The following LRRC40 variants were observed in gnomAD, a reference collection of about 807,000 sequenced individuals.
LRRC40 encodes leucine-rich repeat-containing protein 40.
In LRRC40, 76 loss-of-function variants were observed where a neutral mutation model predicts 72.8. The ratio of observed to expected loss-of-function variants is 1.04; its 90% CI spans 0.87 to 1.26. The LOEUF (loss-of-function observed/expected upper bound fraction) is 1.26. LRRC40 is among the 50% of genes most tolerant of loss of function. The pLI is 0.00. For synonymous variants in LRRC40, 243 were observed against 254.2 expected (o/e 0.96, Z 0.42); for missense variants, 684 against 698.9 (o/e 0.98, Z 0.24).
rs1470186212 is a variant in LRRC40, at chr1:70,175,960, T to C, written c.827A>G (p.Gln276Arg). The change falls in exon 7 of 15, where the codon CAG becomes CGG. Residue 276 changes from glutamine (Q) to arginine (R), a missense_variant. Physicochemically the swap from Gln to Arg is conservative, Grantham distance 43 (BLOSUM62 1). Coordinates refer to ENST00000370952, the MANE Select transcript of LRRC40 (RefSeq NM_017768.5). ...ATGTTCTGCCTCTAACATTTCAATC[T>C]GGTTTTCACCTACGTGCAATTCCTA... ...LLKELHVGEN[Q>R]IEMLEAEHLK... 1 of 1,580,440 alleles carries C rather than the reference T, an allele frequency of 6.3e-7. No homozygotes were observed. The highest frequency in any genetic ancestry group is 1.4e-5 in the African/African-American group (1 of 73,004).
At position 70,175,879 on chromosome 1, in the gene LRRC40, G is replaced by A. The variant is rs760366830; in HGVS notation, c.908C>T (p.Ser303Phe). ...TAGTAGTATAATTTCATCTGGAACA[G>A]ATTTTAACTTGTTATCCCTCAGGTC... Reference protein sequence around the residue: ...VLDLRDNKLKSVPDEIILLRS... With the variant: ...VLDLRDNKLKFVPDEIILLRS... Residue 303 changes from serine to phenylalanine, a missense_variant, in exon 7 of 15, where the codon TCT (serine) becomes TTT (phenylalanine). Transcript: ENST00000370952. 1.8e-5 allele frequency: 29 copies of A among 1,602,110 alleles called. No homozygotes were observed. Among genetic ancestry groups the A allele is most frequent in the Admixed American group, 3.5e-5 (2 of 57,368 alleles).
In LRRC40 at chr1:70,181,120, C is replaced by G. The variant is rs961380906; in HGVS notation, c.627G>C (p.Leu209=). 6 of 1,581,812 alleles carry G rather than the reference C, an allele frequency of 3.8e-6. No individual in the cohort carries two copies. In the Admixed American group the frequency reaches 1.0e-4, roughly 27 times the overall value. Residue 209 remains leucine (L), a synonymous_variant, in exon 5 of 15, where the codon CTG becomes CTC. Coordinates refer to ENST00000370952, the MANE Select transcript of LRRC40 (RefSeq NM_017768.5). ...TATTTATTTCTGCTGGCAAACTCTTCAGTTCATTACTAGAAAGATTGAGTC... is the reference window on the plus strand; with the variant it reads ...TATTTATTTCTGCTGGCAAACTCTTGAGTTCATTACTAGAAAGATTGAGTC... The part of the protein sequence containing the change: ...LVRLNLSSNE[L]KSLPAEINRM...
chr1:70,177,533 T>C (rs976749393), intron 6 of LRRC40, among the ~76,000 whole-genome samples: 2 of 152,224 alleles, frequency 1.3e-5, no homozygotes, highest in African/African-American at 4.8e-5. Context: ...TTTCTCATAC[T>C]GTTTAGTGCA....
intron 1 of LRRC40, among the ~76,000 whole-genome samples, chr1:70,200,436 G>A (rs536425413): frequency 6.6e-5 from 10 of 151,716 alleles, no homozygotes; most frequent in East Asian, 3.9e-4. Context: ...ACTCTAGCCC[G>A]GTCAACAGAA....
intron 1 of LRRC40, 41 bp from the exon 2 acceptor site, chr1:70,189,314 A>T: frequency 6.9e-7 from 1 of 1,445,006 alleles, no homozygotes; most frequent in Non-Finnish European, 9.2e-7. Flanking sequence ...AAAAAAAAAA[A>T]AAAAAGATGA....
intron 1 of LRRC40, 57 bp from the exon 2 acceptor site, chr1:70,189,330 A>G: frequency 7.6e-7 from 1 of 1,316,752 alleles, no homozygotes; most frequent in East Asian, 2.4e-5. Flanking sequence ...GATGAAAACC[A>G]GAACTAGATA....
At chr1:70,156,144 T>TA (rs1667631339) in intron 10 of LRRC40, among the ~76,000 whole-genome samples, 1 of 152,148 alleles carries the variant, frequency 6.6e-6, no homozygotes, top group South Asian at 2.1e-4. Flanking sequence ...TCTATAATTT[T>TA]AAAAGCTAGT....
At position 70,187,350 on chromosome 1, in the gene LRRC40, T is replaced by C; in HGVS notation, c.334-12A>G. On this transcript the variant is annotated splice_polypyrimidine_tract_variant and intron_variant, in intron 2 of 14. Coordinates refer to ENST00000370952, the MANE Select transcript of LRRC40 (RefSeq NM_017768.5). ...TGATTATCATGTATCTAAAAGTTTTTAAAAGACAAAGTCAATATTCTTAGT... is the reference window on the plus strand; with the variant it reads ...TGATTATCATGTATCTAAAAGTTTTCAAAAGACAAAGTCAATATTCTTAGT... 1.5e-6 allele frequency: 2 copies of C among 1,368,388 alleles called. No homozygotes were observed. The highest frequency in any genetic ancestry group is 2.1e-6 in the Non-Finnish European group (2 of 965,970). The allele number at this position is 1,368,388 out of a possible 1,614,324, so 84.8% of individuals were successfully genotyped here. A position where few individuals can be genotyped will look rare whatever the true frequency, so the allele number is the denominator to read the frequency against.
intron 13 of LRRC40, among the ~76,000 whole-genome samples, chr1:70,149,960 G>A (rs1459800545): frequency 6.6e-6 from 1 of 151,646 alleles, no homozygotes; most frequent in South Asian, 2.1e-4. Flanking sequence ...TTGCTCTGTC[G>A]CCTAGGCTGG....
intron 1 of LRRC40, 25 bp from the exon 2 acceptor site, chr1:70,189,298 G>GAAAA: frequency 8.8e-5 from 67 of 763,674 alleles, no homozygotes; most frequent in South Asian, 3.0e-4. Flanking sequence ...ACCACACCAG[G>GAAAA]AAAAAAAAAA....
At chr1:70,200,235 G>A (rs1001313147) in intron 1 of LRRC40, among the ~76,000 whole-genome samples, 4 of 152,314 alleles carry the variant, frequency 2.6e-5, no homozygotes, top group African/African-American at 7.2e-5. Flanking sequence ...GGGAGGCCAA[G>A]GCAGGAGGAT....
chr1:70,150,539 T>C (rs1053468993), intron 13 of LRRC40, among the ~76,000 whole-genome samples: 3 of 152,236 alleles, frequency 2.0e-5, no homozygotes, highest in Admixed American at 1.3e-4. Flanking sequence ...AGTATCTTGA[T>C]AGTGTTTGCA....
Position 70,197,897 on chromosome 1 carries a change from T to C in LRRC40, c.151+7493A>G, listed in dbSNP as rs184040886. On this transcript the variant is annotated intron_variant, in intron 1 of 14. Coordinates refer to ENST00000370952, the MANE Select transcript of LRRC40 (RefSeq NM_017768.5). ...GAGTTTGAGACCAGCCTGACCAACA[T>C]GGTAAAACCCCATCTCTACTAAAAA... Among the ~76,000 whole-genome samples, 1,261 of 152,074 alleles carry C rather than the reference T, an allele frequency of 8.3e-3. 19 individuals carry two copies. The highest frequency in any genetic ancestry group is 0.029 in the African/African-American group (1,197 of 41,512).
chr1:70,172,390 T>C (rs902389603), intron 9 of LRRC40, among the ~76,000 whole-genome samples: 1 of 152,192 alleles, frequency 6.6e-6, no homozygotes, highest in Non-Finnish European at 1.5e-5. Flanking sequence ...TTTATGGAAG[T>C]ACACCTTTAA....
intron 1 of LRRC40, among the ~76,000 whole-genome samples, chr1:70,203,630 G>C (rs1265298369): frequency 6.6e-6 from 1 of 152,158 alleles, no homozygotes; most frequent in Non-Finnish European, 1.5e-5. Flanking sequence ...TACTTTTTAT[G>C]TACCAGGCAC....
rs560297965 is a variant in LRRC40, at chr1:70,201,222, C to T, written c.151+4168G>A. On this transcript the variant is annotated intron_variant, in intron 1 of 14. Transcript: ENST00000370952. Reference sequence around the variant, plus strand: ...TGAATGTAAATCATAATTTGAGGTACTAATATTTTGGGGTAAAAACAAAAG... The same window carrying T: ...TGAATGTAAATCATAATTTGAGGTATTAATATTTTGGGGTAAAAACAAAAG... 1.5e-4 allele frequency among the ~76,000 whole-genome samples: 23 copies of T among 152,144 alleles called. No individual in the cohort carries two copies. In the South Asian group the frequency reaches 4.8e-3, roughly 32 times the overall value.
At chr1:70,172,981 T>C (rs530226303) in intron 9 of LRRC40, among the ~76,000 whole-genome samples, 128 of 152,218 alleles carry the variant, frequency 8.4e-4, no homozygotes, top group African/African-American at 3.0e-3. Flanking sequence ...TTATTAAAAA[T>C]TAAGTTTATT....
Position 70,175,969 on chromosome 1 carries a change from C to T in LRRC40, c.818G>A (p.Gly273Asp), listed in dbSNP as rs1377961091. The change falls in exon 7 of 15, where the codon GGT (glycine) becomes GAT (aspartate). Residue 273 changes from glycine to aspartate, a missense_variant. Transcript: ENST00000370952. The stretch of plus-strand genomic sequence containing the variant: ...CTCTAACATTTCAATCTGGTTTTCA[C>T]CTACGTGCAATTCCTACAAAATCAA... ...SCSLLKELHV[G>D]ENQIEMLEAE... 6.4e-7 allele frequency: 1 copy of T among 1,567,872 alleles called. No individual in the cohort carries two copies. Among genetic ancestry groups the T allele is most frequent in the East Asian group, 2.4e-5 (1 of 42,034 alleles).
At chr1:70,179,747 G>T (rs1012455605) in intron 5 of LRRC40, among the ~76,000 whole-genome samples, 1 of 151,834 alleles carries the variant, frequency 6.6e-6, no homozygotes, top group Non-Finnish European at 1.5e-5. Flanking sequence ...TTATGTCTTC[G>T]TTCTAGATAT....
Sources: allele counts gnomAD v4.1 joint callset (sites outside exome capture counted in the v4.1 genomes callset), GRCh38; gene constraint gnomAD v4.1.1; transcripts MANE v1.5; gene names NCBI Gene and HGNC (gene_info 2026-07-23, HGNC 2026-07-21).